MALAT1: variants seen among roughly 807,000 people sequenced by gnomAD.
The protein encoded by MALAT1 is metastasis associated lung adenocarcinoma transcript 1.
At chr11:65,500,524 G>GA (rs563857678) in exon 3 of MALAT1, 1 of 518,814 alleles carries the variant, frequency 1.9e-6, no homozygotes, top group South Asian at 1.4e-5. Flanking sequence ...GTGAAGATAG[G>GA]AAAAGAGTCC....
exon 3 of MALAT1, chr11:65,502,354 C>G: frequency 2.0e-6 from 1 of 512,544 alleles, no homozygotes; most frequent in South Asian, 1.4e-5. Context: ...CTTAATGATC[C>G]TGAAGGGATT....
intron 3 of MALAT1, chr11:65,505,059 C>G (rs941093762): frequency 1.2e-5 from 6 of 518,718 alleles, no homozygotes; most frequent in African/African-American, 1.2e-4. Context: ...AAAGTCAGAT[C>G]AGTTATGGGA....
exon 3 of MALAT1, chr11:65,499,776 G>A: frequency 2.4e-6 from 1 of 423,158 alleles, no homozygotes; most frequent in Non-Finnish European, 4.6e-6. Flanking sequence ...CTGAAAAGTA[G>A]GAAGCAGAAG....
exon 3 of MALAT1, chr11:65,500,486 G>C: frequency 1.9e-6 from 1 of 518,982 alleles, no homozygotes; most frequent in Non-Finnish European, 3.8e-6. Context: ...CTAGGACTGA[G>C]GAGCAAGCGA....
At chr11:65,501,413 G>A (rs1376120362) in exon 3 of MALAT1, 2 of 517,670 alleles carry the variant, frequency 3.9e-6, no homozygotes, top group Non-Finnish European at 7.7e-6. Flanking sequence ...GTCTGTGGAA[G>A]AGATGTCCAT....
At chr11:65,499,916 TAAGAC>T (rs1447404640) in exon 3 of MALAT1, 3 of 435,784 alleles carry the variant, frequency 6.9e-6, no homozygotes, top group African/African-American at 6.2e-5. Flanking sequence ...AAAAACAAGC[TAAGAC>T]AAGTATTGGA....
intron 3 of MALAT1, chr11:65,505,711 GC>G (rs1565057560): frequency 1.9e-6 from 1 of 518,980 alleles, no homozygotes; most frequent in Admixed American, 1.9e-5. Flanking sequence ...GTTAGAAAAG[GC>G]CATTAATTTG....
intron 3 of MALAT1, chr11:65,504,191 TCTTC>T (rs1565055679): frequency 7.7e-6 from 4 of 517,576 alleles, no homozygotes; most frequent in African/African-American, 5.8e-5. Flanking sequence ...AGTGCTTGGC[TCTTC>T]CTTCTGTTCT....
intron 3 of MALAT1, chr11:65,506,118 A>G (rs1382589765): frequency 5.0e-6 from 2 of 400,826 alleles, no homozygotes; most frequent in East Asian, 6.9e-5. Context: ...AAAGCAAAAG[A>G]TGCTGGTGGT....
intron 1 of MALAT1, chr11:65,498,656 A>G (rs1398918872): frequency 5.8e-6 from 3 of 518,316 alleles, no homozygotes; most frequent in South Asian, 1.4e-5. Context: ...GCCCTGAACT[A>G]TCACACTTTA....
exon 3 of MALAT1, chr11:65,500,977 C>A (rs754274955): frequency 1.9e-6 from 1 of 512,884 alleles, no homozygotes; most frequent in Non-Finnish European, 3.9e-6. Flanking sequence ...ACTGCCAAGT[C>A]CTGGAGAAAT....
At chr11:65,500,082 A>G in exon 3 of MALAT1, 1 of 457,078 alleles carries the variant, frequency 2.2e-6, no homozygotes, top group Non-Finnish European at 4.4e-6. Flanking sequence ...TGAGAAGATG[A>G]GGGTGTTTAC....
At chr11:65,502,103 TG>T (rs1450136485) in exon 3 of MALAT1, 2 of 515,690 alleles carry the variant, frequency 3.9e-6, no homozygotes, top group East Asian at 1.1e-4. Flanking sequence ...TGCATTAATT[TG>T]GGCAAGGAAA....
intron 1 of MALAT1, chr11:65,498,585 A>G (rs188689751): frequency 1.9e-6 from 1 of 518,674 alleles, no homozygotes; most frequent in South Asian, 1.4e-5. Flanking sequence ...AAAGTCCGCC[A>G]TTTTGCCACT....
chr11:65,498,971 G>A (rs767745264), exon 3 of MALAT1: 1 of 518,768 alleles, frequency 1.9e-6, no homozygotes, highest in East Asian at 5.4e-5. Context: ...TCACAAAGGC[G>A]GCGGAAGGTG....
chr11:65,500,038 A>G (rs1328666415), exon 3 of MALAT1: 1 of 433,856 alleles, frequency 2.3e-6, no homozygotes, highest in South Asian at 1.7e-5. Flanking sequence ...CATCAATTTA[A>G]TTTCTGGTGG....
chr11:65,499,551 T>C (rs11540775), exon 3 of MALAT1: 3 of 457,310 alleles, frequency 6.6e-6, no homozygotes, highest in Non-Finnish European at 1.3e-5. Context: ...GCAGGGAGAA[T>C]TGCGTCATTT....
exon 3 of MALAT1, chr11:65,501,012 T>C (rs1275152514): frequency 2.0e-6 from 1 of 508,034 alleles, no homozygotes; most frequent in African/African-American, 2.0e-5. Context: ...TTGTGGGTTT[T>C]TTTTTTTTAC....
At chr11:65,503,937 T>A in intron 3 of MALAT1, 1 of 515,962 alleles carries the variant, frequency 1.9e-6, no homozygotes, top group South Asian at 1.4e-5. Flanking sequence ...AAAAGGTAAT[T>A]ACACATTTTA....
Sources: gnomAD v4.1 joint callset for allele counts on GRCh38, gnomAD v4.1.1 for gene constraint, MANE v1.5 for transcripts, NCBI Gene and HGNC (gene_info 2026-07-23, HGNC 2026-07-21) for gene names.